DMD: variants seen among roughly 807,000 people sequenced by gnomAD.
DMD encodes dystrophin, also known as mutant dystrophin.
DMD carries 63 observed loss-of-function variants against 330.1 expected under a neutral mutation model. That is an observed-to-expected ratio of 0.19 (90% confidence interval 0.16 to 0.24). The LOEUF (loss-of-function observed/expected upper bound fraction) is 0.24. DMD is among the 10% of genes least tolerant of loss of function. DMD has a pLI of 1.00. For synonymous variants in DMD, 1,223 were observed against 959.8 expected, an observed-to-expected ratio of 1.27 and a Z score of -5.07; for missense variants, 3,344 against 2,684.1, an observed-to-expected ratio of 1.25 and a Z score of -5.43.
chrX:31,875,411 T>C (rs764991513), intron 47 of DMD, 38 bp from the exon 48 acceptor site: 1 of 1,071,255 alleles, frequency 9.3e-7, no homozygotes, highest in Non-Finnish European at 1.3e-6. Flanking sequence ...TAAATAATTC[T>C]CAAGGCATAA....
chrX:32,382,015 G>A (rs1484623658), intron 33 of DMD, among the ~76,000 whole-genome samples: 1 of 111,003 alleles, frequency 9.0e-6, no homozygotes, highest in Non-Finnish European at 1.9e-5. Context: ...GGAATATTGC[G>A]AGGGTAAAGG....
At chrX:32,046,635 G>A (rs1204145730) in intron 44 of DMD, among the ~76,000 whole-genome samples, 1 of 111,984 alleles carries the variant, frequency 8.9e-6, no homozygotes, top group Non-Finnish European at 1.9e-5. Flanking sequence ...AAAATCCCAA[G>A]GCTTGGAGTT....
At chrX:32,118,221 G>A (rs1157284077) in intron 44 of DMD, among the ~76,000 whole-genome samples, 1 of 111,602 alleles carries the variant, frequency 9.0e-6, no homozygotes, top group African/African-American at 3.3e-5. Context: ...AAAGTTTATT[G>A]CTTTACTTTA....
chrX:32,766,013 T>G (rs746370880), intron 7 of DMD, among the ~76,000 whole-genome samples: 1 of 112,113 alleles, frequency 8.9e-6, no homozygotes, highest in Non-Finnish European at 1.9e-5. Context: ...TGACAATATA[T>G]AGTAGAGTTT....
At chrX:33,166,805 T>C (rs2049080054) in intron 1 of DMD, among the ~76,000 whole-genome samples, 1 of 109,871 alleles carries the variant, frequency 9.1e-6, no homozygotes, top group Non-Finnish European at 1.9e-5. Flanking sequence ...GTGTATTCAT[T>C]GAGTGAACCT....
intron 1 of DMD, among the ~76,000 whole-genome samples, chrX:33,235,721 T>C (rs1425028123): frequency 9.1e-6 from 1 of 109,649 alleles, no homozygotes; most frequent in Non-Finnish European, 1.9e-5. Flanking sequence ...ATGGTAGATT[T>C]AATCCCAGAT....
intron 7 of DMD, among the ~76,000 whole-genome samples, chrX:32,723,674 C>A (rs1350570325): frequency 9.0e-6 from 1 of 110,595 alleles, no homozygotes; most frequent in Non-Finnish European, 1.9e-5. Flanking sequence ...CTTACCATAC[C>A]AAAACAGTTA....
At chrX:31,459,184 G>A (rs190543207) in intron 59 of DMD, among the ~76,000 whole-genome samples, 1 of 111,414 alleles carries the variant, frequency 9.0e-6, no homozygotes, top group East Asian at 2.8e-4. Flanking sequence ...GTTGCATACA[G>A]TCTGCTTGCT....
At chrX:32,449,253 T>A (rs779847853) in intron 26 of DMD, among the ~76,000 whole-genome samples, 18 of 110,786 alleles carry the variant, frequency 1.6e-4, no homozygotes, top group Non-Finnish European at 3.0e-4. Context: ...GAAAATAAAC[T>A]GTTTCACAGA....
At chrX:32,174,992 G>A (rs1314455208) in intron 44 of DMD, among the ~76,000 whole-genome samples, 1 of 111,793 alleles carries the variant, frequency 8.9e-6, no homozygotes, top group Non-Finnish European at 1.9e-5. Context: ...ATTTTAGTAT[G>A]GAGAGTTGAA....
intron 7 of DMD, among the ~76,000 whole-genome samples, chrX:32,742,442 A>C (rs2069409520): frequency 9.0e-6 from 1 of 111,506 alleles, no homozygotes; most frequent in Non-Finnish European, 1.9e-5. Flanking sequence ...GTGGAAGTGA[A>C]AATATTATAG....
intron 60 of DMD, among the ~76,000 whole-genome samples, chrX:31,403,859 A>G (rs2061299234): frequency 8.9e-6 from 1 of 112,023 alleles, no homozygotes. Flanking sequence ...TTGCATAGAA[A>G]TGATTAGACA....
chrX:32,759,452 C>G (rs1324019921), intron 7 of DMD, among the ~76,000 whole-genome samples: 1 of 111,592 alleles, frequency 9.0e-6, no homozygotes, highest in East Asian at 2.9e-4. Context: ...ACTTTCCCCA[C>G]TTTCTTTCCT....
At chrX:31,475,930 T>C (rs938163533) in intron 59 of DMD, among the ~76,000 whole-genome samples, 1 of 111,682 alleles carries the variant, frequency 9.0e-6, no homozygotes, top group African/African-American at 3.3e-5. Context: ...TAAACAGTTG[T>C]TGAGTGAATA....
At chrX:31,298,992 A>T (rs184641653) in intron 62 of DMD, among the ~76,000 whole-genome samples, 2 of 112,063 alleles carry the variant, frequency 1.8e-5, no homozygotes, top group African/African-American at 3.2e-5. Context: ...AACAAAACAC[A>T]ACAAAACACC....
At position 31,418,916 on chromosome X, in the gene DMD, C is replaced by T. The variant is rs1170791747; in HGVS notation, c.9084+25565G>A. Among the ~76,000 whole-genome samples, 132 of 111,839 alleles carry T rather than the reference C, an allele frequency of 1.2e-3. 6 individuals are homozygous for T. Among genetic ancestry groups the T allele is most frequent in the Non-Finnish European group, 9.4e-5 (5 of 53,119 alleles). Reference sequence around the variant, plus strand: ...TAACAGTTATCAGGTAGTTGCTTGGCACTGACTTATTTACTAGACATTCTT... The same window carrying T: ...TAACAGTTATCAGGTAGTTGCTTGGTACTGACTTATTTACTAGACATTCTT... On this transcript the variant is annotated intron_variant, in intron 60 of 78. Coordinates refer to ENST00000357033, the MANE Select transcript of DMD (RefSeq NM_004006.3).
Position 31,861,946 on chromosome X carries a change from T to C in DMD, c.7098+13242A>G, listed in dbSNP as rs866015211. Among the ~76,000 whole-genome samples, 797 of 87,958 alleles carry C rather than the reference T, an allele frequency of 9.1e-3. 6 individuals carry two copies. Among genetic ancestry groups the C allele is most frequent in the South Asian group, 0.031 (51 of 1,622 alleles). 76.4% of individuals were successfully genotyped at this position (87,958 alleles called of 115,157 possible). A position where few individuals can be genotyped will look rare whatever the true frequency, so the allele number is the denominator to read the frequency against. ...AAGAGGACAAGAGTAGAAAATAATA[T>C]ACACACACACACACACACACACACA... is the stretch of plus-strand genomic sequence containing the variant. On this transcript the variant is annotated intron_variant, in intron 48 of 78. Coordinates refer to ENST00000357033, the MANE Select transcript of DMD (RefSeq NM_004006.3).
chrX:32,928,792 G>C (rs1323072292), intron 2 of DMD, among the ~76,000 whole-genome samples: 2 of 111,890 alleles, frequency 1.8e-5, no homozygotes, highest in Admixed American at 1.9e-4. Flanking sequence ...TGGGGTAATT[G>C]CTTACAATCA....
chrX:31,977,316 G>A (rs1396325462), intron 44 of DMD, among the ~76,000 whole-genome samples: 2 of 111,757 alleles, frequency 1.8e-5, no homozygotes, highest in African/African-American at 6.5e-5. Context: ...ACAGCCTAGA[G>A]TGAAAAAGAG....
Sources: allele counts gnomAD v4.1 joint callset (sites outside exome capture counted in the v4.1 genomes callset), GRCh38; gene constraint gnomAD v4.1.1; transcripts MANE v1.5; gene names NCBI Gene and HGNC (gene_info 2026-07-23, HGNC 2026-07-21).